Variants in ZNF385C observed in about 807,000 individuals in gnomAD.
The protein encoded by ZNF385C is CTD-2132N18.2.
ZNF385C carries 28 observed loss-of-function variants against 35.4 expected under a neutral mutation model. The observed-to-expected ratio is 0.79, with a 90% CI of 0.59 to 1.08. The LOEUF (loss-of-function observed/expected upper bound fraction) is 1.08. Among genes scored for constraint, ZNF385C ranks in the 50% least tolerant of loss-of-function variants. The probability of loss-of-function intolerance (pLI) is 0.00; values close to 1 mark genes in which losing one functional copy is unlikely to be tolerated. For missense variants in ZNF385C, 605 were observed against 595.6 expected, an observed-to-expected ratio of 1.02 and a Z score of -0.16; for synonymous variants, 248 against 248.2, an observed-to-expected ratio of 1.00 and a Z score of 0.01.
At chr17:42,048,928 C>G (rs2053226937) in intron 2 of ZNF385C, among the ~76,000 whole-genome samples, 1 of 125,572 alleles carries the variant, frequency 8.0e-6, no homozygotes, top group South Asian at 3.1e-4. Context: ...GGAGACAGAG[C>G]AAGACTCCAT....
chr17:42,051,124 C>T (rs1381055811), intron 2 of ZNF385C, among the ~76,000 whole-genome samples: 1 of 151,816 alleles, frequency 6.6e-6, no homozygotes, highest in Non-Finnish European at 1.5e-5. Flanking sequence ...CAGGTCGCTG[C>T]AGGTTCATGA....
intron 2 of ZNF385C, among the ~76,000 whole-genome samples, chr17:42,055,934 C>T (rs2053368975): frequency 6.6e-6 from 1 of 152,178 alleles, no homozygotes; most frequent in Non-Finnish European, 1.5e-5. Flanking sequence ...ACCACTACCC[C>T]TCTCCCGCTG....
Position 42,050,003 on chromosome 17 carries a change from T to C in ZNF385C, c.251-12118A>G, listed in dbSNP as rs1432026117. Among the ~76,000 whole-genome samples the C allele has an allele frequency of 1.3e-5, 2 of 152,170 alleles. No homozygotes were observed. Among genetic ancestry groups the C allele is most frequent in the Non-Finnish European group, 2.9e-5 (2 of 68,030 alleles). On this transcript the variant is annotated intron_variant, in intron 2 of 8. Transcript: ENST00000692273. The surrounding 1 kb of genome is among the most constrained non-coding windows in gnomAD (Gnocchi z 5.6). The stretch of plus-strand genomic sequence containing the variant: ...GCTGCTATAAACAGGTCAAATTCCA[T>C]TGACATTCTCCCCACCTCAACCTCA...
At chr17:42,044,056 C>G (rs1183256591) in intron 2 of ZNF385C, among the ~76,000 whole-genome samples, 8 of 149,780 alleles carry the variant, frequency 5.3e-5, no homozygotes, top group African/African-American at 1.2e-4. Flanking sequence ...TGGCTCACTC[C>G]TATAATCCCA....
At chr17:42,037,996 C>A in intron 2 of ZNF385C, 111 bp from the exon 3 acceptor site, 1 of 1,538,414 alleles carries the variant, frequency 6.5e-7, no homozygotes, top group Non-Finnish European at 8.7e-7. Flanking sequence ...ACCTGTGTCT[C>A]TCTTCACAGA....
At chr17:42,058,904 G>A (rs1372740404) in intron 2 of ZNF385C, among the ~76,000 whole-genome samples, 2 of 152,190 alleles carry the variant, frequency 1.3e-5, no homozygotes, top group South Asian at 2.1e-4. Flanking sequence ...TGATCCACCC[G>A]CCTCGGCCTC....
Position 42,026,929 on chromosome 17 carries a change from C to T in ZNF385C, c.1480G>A (p.Ala494Thr), listed in dbSNP as rs1555654237. 3 of 1,605,616 alleles carry T rather than the reference C, an allele frequency of 1.9e-6. No individual in the cohort carries two copies. The highest frequency in any genetic ancestry group is 1.7e-5 in the Admixed American group (1 of 57,890). ...FRTPAGAVRP[A>T]TGPIVLAPY ...GGGGCAAGGACGATAGGTCCTGTGG[C>T]AGGGCGGACAGCTCCTGCTGGGGTG... The change falls in exon 9 of 9, where the codon GCC becomes ACC. Residue 494 changes from alanine (A) to threonine (T), a missense_variant. Ala to Thr is a moderately conservative substitution (Grantham distance 58). Coordinates refer to ENST00000692273, the MANE Select transcript of ZNF385C (RefSeq NM_001392013.1).
chr17:42,067,081 A>AG (rs201397856), intron 1 of ZNF385C, among the ~76,000 whole-genome samples: 14,028 of 151,734 alleles, frequency 0.092, 739 homozygotes, highest in Middle Eastern at 0.13. Context: ...AAAAAAAAAA[A>AG]AGAGAGAGAG....
intron 2 of ZNF385C, among the ~76,000 whole-genome samples, chr17:42,058,603 G>A (rs1290105965): frequency 6.6e-6 from 1 of 152,232 alleles, no homozygotes; most frequent in Admixed American, 6.5e-5. Context: ...CGGCTGAGGG[G>A]CCCAACGTGC....
Position 42,026,922 on chromosome 17 carries a change from C to G in ZNF385C, c.1487G>C (p.Gly496Ala). Residue 496 changes from glycine to alanine, a missense_variant, in exon 9 of 9, where the codon GGA (glycine) becomes GCA (alanine). Gly to Ala is a moderately conservative substitution (Grantham distance 60). Transcript: ENST00000692273. ...CTAATAAGGGGCAAGGACGATAGGT[C>G]CTGTGGCAGGGCGGACAGCTCCTGC... ...TPAGAVRPAT[G>A]PIVLAPY The G allele has an allele frequency of 6.2e-7, 1 of 1,603,282 alleles. No individual in the cohort carries two copies. Among genetic ancestry groups the G allele is most frequent in the Non-Finnish European group, 8.5e-7 (1 of 1,174,802 alleles).
intron 1 of ZNF385C, among the ~76,000 whole-genome samples, chr17:42,090,027 C>T (rs2053848491): frequency 6.6e-6 from 1 of 152,028 alleles, no homozygotes; most frequent in Admixed American, 6.6e-5. Flanking sequence ...ATCCTGTGTC[C>T]CTCTGATCTG....
chr17:42,053,954 G>A (rs1283979233), intron 2 of ZNF385C, among the ~76,000 whole-genome samples: 2 of 152,142 alleles, frequency 1.3e-5, no homozygotes, highest in Non-Finnish European at 2.9e-5. Flanking sequence ...GGAGGGGAGG[G>A]CGCGAGGGAG....
In ZNF385C at chr17:42,027,640, G is replaced by T. The variant is rs150004992; in HGVS notation, c.1253C>A (p.Ala418Glu). The change falls in exon 8 of 9, where the codon GCG (alanine) becomes GAG (glutamate). Residue 418 changes from alanine (A) to glutamate (E), a missense_variant. Transcript: ENST00000692273. ...TACCTTGAGGATACTCACAGCCAGCGCTGCGTGCTTCTGCAGCTTGCTGTG... is the reference window on the plus strand; with the variant it reads ...TACCTTGAGGATACTCACAGCCAGCTCTGCGTGCTTCTGCAGCTTGCTGTG... The part of the protein sequence containing the change: ...SQHSKLQKHA[A>E]LAVSILKSKL... 4 of 1,474,158 alleles carry T rather than the reference G, an allele frequency of 2.7e-6. No individual in the cohort carries two copies. The African/African-American group carries it at 4.3e-5, about 16-fold the overall frequency. 91.3% of individuals were successfully genotyped at this position (1,474,158 alleles called of 1,614,324 possible).
At chr17:42,043,054 C>G in intron 2 of ZNF385C, 2 of 1,232,342 alleles carry the variant, frequency 1.6e-6, no homozygotes, top group Middle Eastern at 3.1e-4. Flanking sequence ...CAGGCCTGGG[C>G]AGGCCCCTCC....
chr17:42,028,684 C>G, intron 6 of ZNF385C, 99 bp downstream of exon 6: 2 of 1,426,346 alleles, frequency 1.4e-6, no homozygotes, highest in African/African-American at 1.4e-5. Context: ...CCATCCAACC[C>G]TTGAGCGAAG....
Position 42,028,141 on chromosome 17 carries a change from G to A in ZNF385C, c.1073C>T (p.Thr358Ile), listed in dbSNP as rs368400088. Reference protein sequence around the residue: ...GGAGHKAKRVTGGRGGRQGPS... With the variant: ...GGAGHKAKRVIGGRGGRQGPS... ...CCCCTGCCGGCCGCCCCGGCCCCCT[G>A]TGACTCTCTTGGCTTTGTGTCCGGC... is the stretch of plus-strand genomic sequence containing the variant. The change falls in exon 7 of 9, where the codon ACA becomes ATA. Residue 358 changes from threonine to isoleucine, a missense_variant. Thr to Ile is a moderately conservative substitution (Grantham distance 89, BLOSUM62 -1). Transcript: ENST00000692273. The A allele has an allele frequency of 4.7e-5, 76 of 1,611,956 alleles. No homozygotes were observed. In the Middle Eastern group the frequency reaches 5.0e-4, roughly 11 times the overall value.
rs545855642 is a variant in ZNF385C at position 42,040,318 on chromosome 17, C to T, written c.251-2433G>A. The T allele has an allele frequency of 6.5e-6, 8 of 1,231,794 alleles. No individual in the cohort carries two copies. In the South Asian group the frequency reaches 2.9e-4, roughly 44 times the overall value. The allele number at this position is 1,231,794 out of a possible 1,614,324, so 76.3% of individuals were successfully genotyped here. The stretch of plus-strand genomic sequence containing the variant: ...GGAGTAACCGAGCAGCTCCACGCCG[C>T]GGTAGGTGCAGCGTCCGCTGCTGGC... On this transcript the variant is annotated intron_variant, in intron 2 of 8. Coordinates refer to ENST00000692273, the MANE Select transcript of ZNF385C (RefSeq NM_001392013.1).
chr17:42,047,006 G>A (rs1567988486), intron 2 of ZNF385C, among the ~76,000 whole-genome samples: 1 of 149,832 alleles, frequency 6.7e-6, no homozygotes, highest in Non-Finnish European at 1.5e-5. Context: ...GGGATTACAG[G>A]CACATGCCGC....
chr17:42,026,612 G>T lies in ZNF385C; in HGVS notation c.*285C>A. ...ATGTGGGTCTTGGGTGGAGGAAAGT[G>T]AGAGCACCACATGGCTGGGGCTGAG... On this transcript the variant is annotated 3_prime_UTR_variant, in exon 9 of 9. Transcript: ENST00000692273. 2.0e-6 allele frequency: 1 copy of T among 488,584 alleles called. No homozygotes were observed. The highest frequency in any genetic ancestry group is 3.7e-6 in the Non-Finnish European group (1 of 269,364). The allele number at this position is 488,584 out of a possible 1,614,324, so 30.3% of individuals were successfully genotyped here.
Sources: gnomAD v4.1 joint callset for allele counts (sites outside exome capture counted in the v4.1 genomes callset) on GRCh38, gnomAD v4.1.1 for gene constraint, Gnocchi (gnomAD v3.1) non-coding constraint, MANE v1.5 for transcripts, NCBI Gene and HGNC (gene_info 2026-07-23, HGNC 2026-07-21) for gene names.